FBRS: variants seen among roughly 807,000 people sequenced by gnomAD.
FBRS encodes probable fibrosin-1.
A neutral mutation model predicts 86.1 loss-of-function variants in FBRS; 15 were observed. The ratio of observed to expected loss-of-function variants is 0.17; its 90% CI spans 0.12 to 0.27. The LOEUF is 0.27. Among genes scored for constraint, FBRS ranks in the 10% least tolerant of loss-of-function variants. FBRS has a pLI of 1.00. For missense variants in FBRS, 1,367 were observed against 1,301.6 expected, an observed-to-expected ratio of 1.05 and a Z score of -0.77; for synonymous variants, 666 against 575.8, an observed-to-expected ratio of 1.16 and a Z score of -2.24.
rs1408173313 is a variant in FBRS at position 30,669,216 on chromosome 16, TGCTGCC to T, written c.2517_2522del (p.Ala848_Ala849del). 4 of 1,544,164 alleles carry T rather than the reference TGCTGCC, an allele frequency of 2.6e-6. No homozygotes were observed. Among genetic ancestry groups the T allele is most frequent in the Middle Eastern group, 3.4e-4 (2 of 5,962 alleles). On this transcript the variant is annotated inframe_deletion, in exon 18 of 18. Coordinates refer to ENST00000356166, the MANE Select transcript of FBRS (RefSeq NM_001105079.3). This position sits in a 1 kb window ranked among gnomAD's most constrained non-coding sequence, Gnocchi z 5.9. The stretch of plus-strand genomic sequence containing the variant: ...AGGCTGCCGCCGCCGCTGCCGCTGC[TGCTGCC>T]GCCGCCGCTGCCGCCGCCGCAGCAG...
chr16:30,669,851 C>T lies in FBRS; in HGVS notation c.*206C>T. 1.5e-6 allele frequency: 1 copy of T among 687,750 alleles called. No homozygotes were observed. The highest frequency in any genetic ancestry group is 2.4e-6 in the Non-Finnish European group (1 of 418,454). 42.6% of individuals were successfully genotyped at this position (687,750 alleles called of 1,614,324 possible). A position where few individuals can be genotyped will look rare whatever the true frequency, so the allele number is the denominator to read the frequency against. The stretch of plus-strand genomic sequence containing the variant: ...AGGGTCACTGGGAGAGCAGAGGTCA[C>T]AGCCTCTAGAGAAGGGAGAGGGGCG... On this transcript the variant is annotated 3_prime_UTR_variant, in exon 18 of 18. Transcript: ENST00000356166. This position sits in a 1 kb window ranked among gnomAD's most constrained non-coding sequence, Gnocchi z 5.9.
Position 30,669,723 on chromosome 16 carries a change from G to A in FBRS, c.*78G>A. On this transcript the variant is annotated 3_prime_UTR_variant, in exon 18 of 18. Coordinates refer to ENST00000356166, the MANE Select transcript of FBRS (RefSeq NM_001105079.3). This position sits in a 1 kb window ranked among gnomAD's most constrained non-coding sequence, Gnocchi z 5.9. ...GTCCTAGGGCTGAGGTTTTAAGCCA[G>A]GGCTGGAGGGCAAAGGTCATAACCT... 6.9e-7 allele frequency: 1 copy of A among 1,459,178 alleles called. No individual in the cohort carries two copies. Among genetic ancestry groups the A allele is most frequent in the Non-Finnish European group, 9.0e-7 (1 of 1,109,044 alleles). 90.4% of individuals were successfully genotyped at this position (1,459,178 alleles called of 1,614,324 possible).
chr16:30,664,706 C>T lies in FBRS; in HGVS notation c.1358-9C>T, dbSNP rs2052501135. 1.3e-6 allele frequency: 2 copies of T among 1,512,632 alleles called. No homozygotes were observed. 93.7% of individuals were successfully genotyped at this position (1,512,632 alleles called of 1,614,324 possible). A position where few individuals can be genotyped will look rare whatever the true frequency, so the allele number is the denominator to read the frequency against. On this transcript the variant is annotated splice_polypyrimidine_tract_variant and intron_variant, in intron 7 of 17. Coordinates refer to ENST00000356166, the MANE Select transcript of FBRS (RefSeq NM_001105079.3). ...CAGCATTAAAGCCTTCTCCCGTCCCCTCCCACAGAGCAGGACCTGATCGGC... is the reference window on the plus strand; with the variant it reads ...CAGCATTAAAGCCTTCTCCCGTCCCTTCCCACAGAGCAGGACCTGATCGGC...
chr16:30,664,263 T>G lies in FBRS; in HGVS notation c.1104T>G (p.Pro368=), dbSNP rs1596615944. ...PKAPAPPVAQ[P]PPSSSSSSSS... ...CCCCGGCCCCTCCCGTGGCTCAGCCTCCCCCCTCATCATCCTCTTCGTCCT... is the reference window on the plus strand; with the variant it reads ...CCCCGGCCCCTCCCGTGGCTCAGCCGCCCCCCTCATCATCCTCTTCGTCCT... Residue 368 remains proline (P), a synonymous_variant, in exon 7 of 18, where the codon CCT becomes CCG. Transcript: ENST00000356166. 4 of 1,105,094 alleles carry G rather than the reference T, an allele frequency of 3.6e-6. No individual in the cohort carries two copies. The highest frequency in any genetic ancestry group is 4.5e-6 in the Non-Finnish European group (4 of 898,254). 68.5% of individuals were successfully genotyped at this position (1,105,094 alleles called of 1,614,324 possible). A position where few individuals can be genotyped will look rare whatever the true frequency, so the allele number is the denominator to read the frequency against.
chr16:30,660,548 G>A (rs1157272053), intron 2 of FBRS, 106 bp downstream of exon 2: 13 of 1,255,714 alleles, frequency 1.0e-5, no homozygotes, highest in African/African-American at 1.6e-5. Context: ...AGTTTCTAAG[G>A]GCAAAGAGGC....
rs2052574547 is a variant in FBRS, at chr16:30,669,706, G to A, written c.*61G>A. 1 of 1,502,056 alleles carries A rather than the reference G, an allele frequency of 6.7e-7. No homozygotes were observed. The highest frequency in any genetic ancestry group is 2.3e-5 in the Admixed American group (1 of 42,644). The allele number at this position is 1,502,056 out of a possible 1,614,324, so 93.0% of individuals were successfully genotyped here. ...CCCCTTCCTTTAACCAGGTCCTAGG[G>A]CTGAGGTTTTAAGCCAGGGCTGGAG... On this transcript the variant is annotated 3_prime_UTR_variant, in exon 18 of 18. Transcript: ENST00000356166. This position sits in a 1 kb window ranked among gnomAD's most constrained non-coding sequence, Gnocchi z 5.9.
intron 4 of FBRS, among the ~76,000 whole-genome samples, 169 bp downstream of exon 4, chr16:30,661,502 G>A (rs1190875622): frequency 6.6e-6 from 1 of 152,148 alleles, no homozygotes; most frequent in Non-Finnish European, 1.5e-5. Context: ...GAGGGTAAAT[G>A]GCGTCATTTT....
rs1194286465 is a variant in FBRS at position 30,659,958 on chromosome 16, C to T, written c.440C>T (p.Ala147Val). ...LIDGFAIASF[A>V]TLEALQKDAS... is the part of the protein sequence containing the mutation. ...GATGGCTTCGCCATCGCCAGCTTCGCCACCCTCGAGGCCTTGCAGGTGGGG... is the reference window on the plus strand; with the variant it reads ...GATGGCTTCGCCATCGCCAGCTTCGTCACCCTCGAGGCCTTGCAGGTGGGG... The change falls in exon 1 of 18, where the codon GCC becomes GTC. Residue 147 changes from alanine (A) to valine (V), a missense_variant. Around this residue, in one of 3 missense-constraint regions of FBRS, gnomAD observed 702 missense variants for 598.7 expected, o/e 1.17. Coordinates refer to ENST00000356166, the MANE Select transcript of FBRS (RefSeq NM_001105079.3). The T allele has an allele frequency of 3.2e-6, 5 of 1,550,284 alleles. No homozygotes were observed. Among genetic ancestry groups the T allele is most frequent in the African/African-American group, 1.4e-5 (1 of 73,116 alleles).
rs2052432762 is a variant in FBRS, at chr16:30,659,779, A to ACCTCGACCC, written c.264_272dup (p.Pro91_Pro93dup). 1 of 1,480,676 alleles carries ACCTCGACCC rather than the reference A, an allele frequency of 6.8e-7. No individual in the cohort carries two copies. The highest frequency in any genetic ancestry group is 1.4e-5 in the African/African-American group (1 of 70,156). The allele number at this position is 1,480,676 out of a possible 1,614,324, so 91.7% of individuals were successfully genotyped here. On this transcript the variant is annotated inframe_insertion, in exon 1 of 18. Coordinates refer to ENST00000356166, the MANE Select transcript of FBRS (RefSeq NM_001105079.3). ...CGAGACGCCGGCGGCCCCGTCCGAG[A>ACCTCGACCC]CCTCGACCCCCGCGACCCCGAGCTC...
Position 30,668,951 on chromosome 16 carries a change from C to A in FBRS, c.2338C>A (p.Pro780Thr), listed in dbSNP as rs767564835. ...DKERPVERRE[P>T]SITKEEKDRD... Reference sequence around the variant, plus strand: ...GGAGCGGCCTGTGGAGCGGAGGGAGCCCTCCATCACCAAGGAGGAGAAGGA... The same window carrying A: ...GGAGCGGCCTGTGGAGCGGAGGGAGACCTCCATCACCAAGGAGGAGAAGGA... The change falls in exon 17 of 18, where the codon CCC (proline) becomes ACC (threonine). Residue 780 changes from proline to threonine, a missense_variant. Transcript: ENST00000356166. The A allele has an allele frequency of 6.3e-7, 1 of 1,585,126 alleles. No homozygotes were observed.
chr16:30,669,661 G>GT lies in FBRS; in HGVS notation c.*17dup. The stretch of plus-strand genomic sequence containing the variant: ...TGACAGGTGAGGGGAACGGGGGGGG[G>GT]TCGGGGCAAAGCTCCATCTCCCCTT... On this transcript the variant is annotated 3_prime_UTR_variant, in exon 18 of 18. Transcript: ENST00000356166. The surrounding 1 kb of genome is among the most constrained non-coding windows in gnomAD (Gnocchi z 5.9). 1 of 1,572,840 alleles carries GT rather than the reference G, an allele frequency of 6.4e-7. No homozygotes were observed. Among genetic ancestry groups the GT allele is most frequent in the East Asian group, 2.2e-5 (1 of 44,510 alleles).
At chr16:30,667,170 C>A in intron 13 of FBRS, 150 bp from the exon 14 acceptor site, 1 of 908,466 alleles carries the variant, frequency 1.1e-6, no homozygotes, top group Non-Finnish European at 1.7e-6. Flanking sequence ...TAGGGGGCTG[C>A]TCAGAGAAGG....
chr16:30,666,149 T>G, intron 11 of FBRS: 1 of 437,962 alleles, frequency 2.3e-6, no homozygotes, highest in Non-Finnish European at 4.1e-6. Context: ...CAGGGAAGAC[T>G]AGGCCAGAGG....
At chr16:30,661,238 G>T (rs973473271) in intron 3 of FBRS, 23 bp downstream of exon 3, 4 of 1,550,692 alleles carry the variant, frequency 2.6e-6, no homozygotes, top group Non-Finnish European at 3.5e-6. Flanking sequence ...CACCTGTCCT[G>T]GCCCCTCCCT....
Position 30,664,084 on chromosome 16 carries a change from G to T in FBRS, c.1056-131G>T, listed in dbSNP as rs2052491225. On this transcript the variant is annotated intron_variant, in intron 6 of 17. Transcript: ENST00000356166. ...GAACGGATTCCCTCGGTGGGGGGCG[G>T]TCCTGGGGCTGGGTTCTGCCACCTC... 5 of 1,127,132 alleles carry T rather than the reference G, an allele frequency of 4.4e-6. No homozygotes were observed. The African/African-American group carries it at 8.0e-5, about 18-fold the overall frequency. 69.8% of individuals were successfully genotyped at this position (1,127,132 alleles called of 1,614,324 possible).
At chr16:30,661,555 T>C (rs2052462241) in intron 4 of FBRS, among the ~76,000 whole-genome samples, 1 of 151,950 alleles carries the variant, frequency 6.6e-6, no homozygotes, top group Admixed American at 6.6e-5. Context: ...GAATGGAGGG[T>C]CCATGCTTTG....
chr16:30,666,080 C>G (rs1051904235), intron 11 of FBRS: 1 of 407,984 alleles, frequency 2.5e-6, no homozygotes, highest in Admixed American at 4.2e-5. Flanking sequence ...TTAGCACTTG[C>G]AGCAGTGTAG....
intron 15 of FBRS, chr16:30,667,989 G>T (rs1201147318): frequency 7.7e-6 from 2 of 258,610 alleles, no homozygotes; most frequent in Non-Finnish European, 1.5e-5. Context: ...GGTGGACAAG[G>T]AAGAGTTGAG....
chr16:30,669,425 G>A lies in FBRS; in HGVS notation c.2723G>A (p.Gly908Glu). The A allele has an allele frequency of 1.2e-6, 2 of 1,612,794 alleles. No individual in the cohort carries two copies. The highest frequency in any genetic ancestry group is 1.1e-5 in the South Asian group (1 of 91,078). The change falls in exon 18 of 18, where the codon GGG becomes GAG. Residue 908 changes from glycine to glutamate, a missense_variant. This residue lies in a region of FBRS where 659 missense variants were observed against 678.8 expected (regional missense o/e 0.97). Transcript: ENST00000356166. This position sits in a 1 kb window ranked among gnomAD's most constrained non-coding sequence, Gnocchi z 5.9. Reference sequence around the variant, plus strand: ...GCGGGTGAGGAGCTAACTGGACCCGGGGCCGTGGCCGCTGCCCGCCTCTAC... The same window carrying A: ...GCGGGTGAGGAGCTAACTGGACCCGAGGCCGTGGCCGCTGCCCGCCTCTAC... The part of the protein sequence containing the change: ...YEAGEELTGP[G>E]AVAAARLYGL...
Sources: allele counts gnomAD v4.1 joint callset (sites outside exome capture counted in the v4.1 genomes callset), GRCh38; gene constraint gnomAD v4.1.1; regional missense constraint gnomAD v4.1.1; non-coding constraint Gnocchi (gnomAD v3.1); transcripts MANE v1.5; gene names NCBI Gene and HGNC (gene_info 2026-07-23, HGNC 2026-07-21).